The following TMEM8B variants were observed in gnomAD, a reference collection of about 807,000 sequenced individuals.
The protein encoded by TMEM8B is transmembrane protein 8B.
A neutral mutation model predicts 49.3 loss-of-function variants in TMEM8B; 29 were observed. The ratio of observed to expected loss-of-function variants is 0.59; its 90% confidence interval spans 0.44 to 0.80. The LOEUF (loss-of-function observed/expected upper bound fraction) is 0.80, where lower values mean the gene tolerates loss of function less well. Ranked by LOEUF, TMEM8B falls within the 30% of genes least tolerant of loss-of-function variation. The pLI, the probability that TMEM8B is intolerant of heterozygous loss-of-function variation, is 0.00. For synonymous variants in TMEM8B, 264 were observed against 272.8 expected (o/e 0.97, Z 0.32); for missense variants, 575 against 658.5 (o/e 0.87, Z 1.39).
At position 35,854,126 on chromosome 9, in the gene TMEM8B, C is replaced by G; in HGVS notation, c.*286C>G. Reference sequence around the variant, plus strand: ...TCCCTCCTGCAGGTGTGGAGCCTTTCCTGGGATGCAGAGCCTTCCCAAGAC... The same window carrying G: ...TCCCTCCTGCAGGTGTGGAGCCTTTGCTGGGATGCAGAGCCTTCCCAAGAC... On this transcript the variant is annotated 3_prime_UTR_variant, in exon 13 of 13. Coordinates refer to ENST00000643932, the MANE Select transcript of TMEM8B (RefSeq NM_001042590.4). The G allele has an allele frequency of 1.2e-6, 1 of 852,278 alleles. No homozygotes were observed. Among genetic ancestry groups the G allele is most frequent in the Non-Finnish European group, 1.5e-6 (1 of 654,456 alleles). 52.8% of individuals were successfully genotyped at this position (852,278 alleles called of 1,614,324 possible). A position where few individuals can be genotyped will look rare whatever the true frequency, so the allele number is the denominator to read the frequency against.
At chr9:35,833,361 T>C (rs1049836590) in intron 1 of TMEM8B, 1 of 985,358 alleles carries the variant, frequency 1.0e-6, no homozygotes, top group Non-Finnish European at 1.2e-6. Context: ...GCTTCTTTTC[T>C]GGCTGGTCCG....
Position 35,846,086 on chromosome 9 carries a change from G to A in TMEM8B, c.1729+18G>A, listed in dbSNP as rs1028320534. The A allele has an allele frequency of 2.5e-6, 4 of 1,613,550 alleles. No individual in the cohort carries two copies. Among genetic ancestry groups the A allele is most frequent in the Non-Finnish European group, 3.4e-6 (4 of 1,179,894 alleles). ...TTCCAAAGGTGAGGTGAGGAATGGG[G>A]GAGGAGAGGAAGCTGCAGTGTGGGG... On this transcript the variant is annotated intron_variant, in intron 7 of 12. Coordinates refer to ENST00000643932, the MANE Select transcript of TMEM8B (RefSeq NM_001042590.4).
Position 35,842,729 on chromosome 9 carries a change from G to T in TMEM8B, c.1635+12G>T, listed in dbSNP as rs188413102. The T allele has an allele frequency of 1.6e-4, 249 of 1,596,926 alleles. No homozygotes were observed. Among genetic ancestry groups the T allele is most frequent in the Admixed American group, 1.2e-3 (73 of 58,560 alleles). On this transcript the variant is annotated intron_variant, in intron 6 of 12. Coordinates refer to ENST00000643932, the MANE Select transcript of TMEM8B (RefSeq NM_001042590.4). The surrounding 1 kb of genome is among the most constrained non-coding windows in gnomAD (Gnocchi z 5.6). Reference sequence around the variant, plus strand: ...TCCAGCTCAATGCGGTACTCTTTATGGAGAGTGGGGAGGTTGCTCTGCCAG... The same window carrying T: ...TCCAGCTCAATGCGGTACTCTTTATTGAGAGTGGGGAGGTTGCTCTGCCAG...
Position 35,854,875 on chromosome 9 carries a change from T to C in TMEM8B, c.*1035T>C, listed in dbSNP as rs1232941071. On this transcript the variant is annotated 3_prime_UTR_variant, in exon 13 of 13. Coordinates refer to ENST00000643932, the MANE Select transcript of TMEM8B (RefSeq NM_001042590.4). The stretch of plus-strand genomic sequence containing the variant: ...TTTCCTGAGTGCCAGAAAAGATCAT[T>C]TGTCCATTTGGGATTCCTTCTCTTT... 1 of 152,302 alleles carries C rather than the reference T, an allele frequency of 6.6e-6. No homozygotes were observed. The highest frequency in any genetic ancestry group is 1.9e-4 in the East Asian group (1 of 5,186). The allele number at this position is 152,302 out of a possible 1,614,324, so 9.4% of individuals were successfully genotyped here.
chr9:35,849,608 C>T (rs1039063735), intron 10 of TMEM8B, among the ~76,000 whole-genome samples: 3 of 152,236 alleles, frequency 2.0e-5, no homozygotes, highest in African/African-American at 7.2e-5. Context: ...AGCCTGACTC[C>T]AGATCCCTCA....
chr9:35,857,943 G>A lies in TMEM8B; in HGVS notation c.*4103G>A, dbSNP rs549852161. The A allele has an allele frequency of 6.6e-6, 1 of 152,270 alleles. No homozygotes were observed. The highest frequency in any genetic ancestry group is 6.5e-5 in the Admixed American group (1 of 15,272). The allele number at this position is 152,270 out of a possible 1,614,324, so 9.4% of individuals were successfully genotyped here. On this transcript the variant is annotated 3_prime_UTR_variant, in exon 13 of 13. Transcript: ENST00000643932. Reference sequence around the variant, plus strand: ...CAGTGACTGGTGACCTGCAGGAGAAGCTGTCACCTTTGCCATGGAGCTTGC... The same window carrying A: ...CAGTGACTGGTGACCTGCAGGAGAAACTGTCACCTTTGCCATGGAGCTTGC...
intron 10 of TMEM8B, among the ~76,000 whole-genome samples, chr9:35,851,184 C>T (rs1832095458): frequency 6.6e-6 from 1 of 152,140 alleles, no homozygotes; most frequent in African/African-American, 2.4e-5. Context: ...GATCACAGCT[C>T]AGTGCAGTCT....
At chr9:35,852,184 C>T (rs1832199715) in intron 10 of TMEM8B, among the ~76,000 whole-genome samples, 1 of 152,190 alleles carries the variant, frequency 6.6e-6, no homozygotes, top group South Asian at 2.1e-4. Flanking sequence ...CTCAATAGTC[C>T]ACTCTTCACT....
intron 1 of TMEM8B, among the ~76,000 whole-genome samples, chr9:35,831,142 G>T (rs1216843847): frequency 6.6e-6 from 1 of 152,232 alleles, no homozygotes; most frequent in Admixed American, 6.5e-5. Context: ...CCCCTGCAGA[G>T]ATGTCTGGTC....
Position 35,852,872 on chromosome 9 carries a change from A to T in TMEM8B, c.2221A>T (p.Met741Leu). 1 of 1,614,106 alleles carries T rather than the reference A, an allele frequency of 6.2e-7. No individual in the cohort carries two copies. Among genetic ancestry groups the T allele is most frequent in the Non-Finnish European group, 8.5e-7 (1 of 1,180,016 alleles). Residue 741 changes from methionine (M) to leucine (L), a missense_variant, in exon 11 of 13, where the codon ATG becomes TTG. Met to Leu is a conservative substitution (Grantham distance 15). Transcript: ENST00000643932. ...DQPGIVVFCI[M>L]DYDVLQFCDF... The stretch of plus-strand genomic sequence containing the variant: ...GCCAGGCATCGTGGTTTTCTGCATC[A>T]TGGACTACGATGTGCTGCAGTTCTG...
intron 3 of TMEM8B, among the ~76,000 whole-genome samples, chr9:35,837,829 G>A (rs1446059843): frequency 2.6e-5 from 4 of 151,968 alleles, no homozygotes; most frequent in Non-Finnish European, 2.9e-5. Context: ...GTTTTGGATC[G>A]TGTGTTCATT....
At chr9:35,835,352 T>G in intron 3 of TMEM8B, 134 bp downstream of exon 3, 1 of 400,642 alleles carries the variant, frequency 2.5e-6, no homozygotes, top group Non-Finnish European at 4.4e-6. Context: ...GGGCGGGGCA[T>G]GGCTAAAGGC....
At chr9:35,851,004 A>G (rs78554933) in intron 10 of TMEM8B, among the ~76,000 whole-genome samples, 3,233 of 152,332 alleles carry the variant, frequency 0.021, 105 homozygotes, top group African/African-American at 0.074. Flanking sequence ...AGACCAATAT[A>G]TTGATTTGTT....
chr9:35,841,687 T>G lies in TMEM8B; in HGVS notation c.1202T>G (p.Leu401Arg). ...TGTGGAGGTGCCTCAGGATGCCAGC[T>G]GGAGCTGGCACTGCCCCCCTGGGGG... Reference protein sequence around the residue: ...VACGGASGCQLELALPPWGHW... With the variant: ...VACGGASGCQRELALPPWGHW... The change falls in exon 5 of 13, where the codon CTG becomes CGG. Residue 401 changes from leucine to arginine, a missense_variant. By Grantham distance (102) the Leu-to-Arg change is moderately radical. Transcript: ENST00000643932. This position sits in a 1 kb window ranked among gnomAD's most constrained non-coding sequence, Gnocchi z 5.9. 1 of 415,908 alleles carries G rather than the reference T, an allele frequency of 2.4e-6. No individual in the cohort carries two copies. The highest frequency in any genetic ancestry group is 3.1e-4 in the Middle Eastern group (1 of 3,222). The allele number at this position is 415,908 out of a possible 1,614,324, so 25.8% of individuals were successfully genotyped here. A position where few individuals can be genotyped will look rare whatever the true frequency, so the allele number is the denominator to read the frequency against.
At chr9:35,839,225 A>C (rs1157032455) in intron 3 of TMEM8B, among the ~76,000 whole-genome samples, 1 of 152,222 alleles carries the variant, frequency 6.6e-6, no homozygotes, top group African/African-American at 2.4e-5. Context: ...TCTATCTACC[A>C]TGCCTTAGAC....
chr9:35,834,302 A>T (rs994549405), intron 1 of TMEM8B, among the ~76,000 whole-genome samples, 159 bp from the exon 2 acceptor site: 13 of 151,936 alleles, frequency 8.6e-5, no homozygotes, highest in Non-Finnish European at 1.8e-4. Context: ...AAACCAGATG[A>T]TGGCTAGGTT....
chr9:35,851,925 T>G (rs1363604126), intron 10 of TMEM8B, among the ~76,000 whole-genome samples: 1 of 152,100 alleles, frequency 6.6e-6, no homozygotes, highest in African/African-American at 2.4e-5. Context: ...GAGACTGACT[T>G]TGGAATATGT....
chr9:35,842,256 C>A lies in TMEM8B; in HGVS notation c.1310-136C>A. 1 of 653,982 alleles carries A rather than the reference C, an allele frequency of 1.5e-6. No homozygotes were observed. Among genetic ancestry groups the A allele is most frequent in the Non-Finnish European group, 2.4e-6 (1 of 408,574 alleles). The allele number at this position is 653,982 out of a possible 1,614,324, so 40.5% of individuals were successfully genotyped here. On this transcript the variant is annotated intron_variant, in intron 5 of 12. Transcript: ENST00000643932. This position sits in a 1 kb window ranked among gnomAD's most constrained non-coding sequence, Gnocchi z 5.6. ...CCCCTATAAACCTGGATGCCCCACA[C>A]TCCCAAGGGACATCGCATTCTAGTT... is the stretch of plus-strand genomic sequence containing the variant.
intron 10 of TMEM8B, among the ~76,000 whole-genome samples, chr9:35,849,166 A>G (rs1374394769): frequency 6.6e-6 from 1 of 152,122 alleles, no homozygotes; most frequent in East Asian, 1.9e-4. Flanking sequence ...AGCAGTGTCC[A>G]TTTAAGGACC....
Sources: allele counts gnomAD v4.1 joint callset (sites outside exome capture counted in the v4.1 genomes callset), GRCh38; gene constraint gnomAD v4.1.1; non-coding constraint Gnocchi (gnomAD v3.1); transcripts MANE v1.5; gene names NCBI Gene and HGNC (gene_info 2026-07-23, HGNC 2026-07-21).